The following MTUS2 variants were observed in gnomAD, a reference collection of about 807,000 sequenced individuals.
MTUS2 encodes microtubule-associated tumor suppressor candidate 2.
MTUS2 carries 40 observed loss-of-function variants against 114.1 expected under a neutral mutation model. The ratio of observed to expected loss-of-function variants is 0.35; its 90% CI spans 0.27 to 0.46. MTUS2 has a LOEUF of 0.46. Among genes scored for constraint, MTUS2 ranks in the 20% least tolerant of loss-of-function variants. MTUS2 has a pLI of 1.00. For missense variants in MTUS2, 1,679 were observed against 1,705.4 expected, an observed-to-expected ratio of 0.98 and a Z score of 0.27; for synonymous variants, 688 against 672.0, an observed-to-expected ratio of 1.02 and a Z score of -0.37.
In MTUS2 at chr13:29,505,845, G is replaced by A. The variant is rs1257516069; in HGVS notation, c.*2639G>A. 4.4e-6 allele frequency: 1 copy of A among 228,874 alleles called. No individual in the cohort carries two copies. The highest frequency in any genetic ancestry group is 2.2e-5 in the African/African-American group (1 of 45,046). The allele number at this position is 228,874 out of a possible 1,614,324, so 14.2% of individuals were successfully genotyped here. A position where few individuals can be genotyped will look rare whatever the true frequency, so the allele number is the denominator to read the frequency against. ...GTGGGGGCAGCCCTGGCCGTGATTA[G>A]TTGAATGAATGGGGTCACAACATCC... is the stretch of plus-strand genomic sequence containing the variant. On this transcript the variant is annotated 3_prime_UTR_variant, in exon 16 of 16. Transcript: ENST00000612955.
chr13:29,123,916 G>C (rs1043078927), intron 5 of MTUS2, among the ~76,000 whole-genome samples: 3 of 152,124 alleles, frequency 2.0e-5, no homozygotes, highest in South Asian at 2.1e-4. Flanking sequence ...CTCATTCCAG[G>C]GGGTATTGTC....
chr13:29,173,116 TC>T (rs1296544768), intron 5 of MTUS2, among the ~76,000 whole-genome samples: 5 of 152,278 alleles, frequency 3.3e-5, no homozygotes, highest in African/African-American at 1.2e-4. Flanking sequence ...TGTAAACTGT[TC>T]TATAATAACT....
In MTUS2 at chr13:29,294,199, C is replaced by T. The variant is rs148938783; in HGVS notation, c.2806+12334C>T. ...ACTAATAACATATATTGGTATATTT[C>T]CTTCCAGTCTTTTCTCTATATGGGT... On this transcript the variant is annotated intron_variant, in intron 6 of 15. Transcript: ENST00000612955. 1.4e-4 allele frequency among the ~76,000 whole-genome samples: 21 copies of T among 152,198 alleles called. No individual in the cohort carries two copies. The East Asian group carries it at 4.0e-3, about 29-fold the overall frequency.
At chr13:29,282,366 C>T (rs1276300097) in intron 6 of MTUS2, among the ~76,000 whole-genome samples, 2 of 152,248 alleles carry the variant, frequency 1.3e-5, no homozygotes, top group African/African-American at 2.4e-5. Context: ...TAGAGCCACA[C>T]TGGGCCTGCC....
chr13:29,120,402 G>GA (rs1367421623), intron 5 of MTUS2, among the ~76,000 whole-genome samples: 2 of 151,364 alleles, frequency 1.3e-5, no homozygotes, highest in Non-Finnish European at 1.5e-5. Flanking sequence ...TATTTAAATG[G>GA]AAAAAATCAG....
At chr13:29,167,192 G>A (rs1188233512) in intron 5 of MTUS2, among the ~76,000 whole-genome samples, 5 of 152,090 alleles carry the variant, frequency 3.3e-5, no homozygotes, top group South Asian at 2.1e-4. Context: ...GGCTAACACC[G>A]TGAAACCTTG....
At chr13:29,110,678 T>C (rs1890848498) in intron 5 of MTUS2, among the ~76,000 whole-genome samples, 1 of 152,194 alleles carries the variant, frequency 6.6e-6, no homozygotes, top group Non-Finnish European at 1.5e-5. Context: ...CATTTTTTTT[T>C]CTGAGTGTTT....
chr13:29,001,930 CTG>C lies in MTUS2; in HGVS notation c.-242-22525_-242-22524del, dbSNP rs570137855. On this transcript the variant is annotated intron_variant, in intron 2 of 15. Coordinates refer to ENST00000612955, the MANE Select transcript of MTUS2 (RefSeq NM_001033602.4). ...CTACAGCTAAGCATTCAGGTCGCCT[CTG>C]TATCTCACATTTTGTGAGATACATT... Among the ~76,000 whole-genome samples, 204 of 152,262 alleles carry C rather than the reference CTG, an allele frequency of 1.3e-3. 1 individual carries two copies. Among genetic ancestry groups the C allele is most frequent in the Non-Finnish European group, 2.4e-3 (165 of 68,002 alleles).
At chr13:29,065,222 G>T (rs1247719500) in intron 4 of MTUS2, among the ~76,000 whole-genome samples, 1 of 152,202 alleles carries the variant, frequency 6.6e-6, no homozygotes, top group Non-Finnish European at 1.5e-5. Context: ...CACAGTGGTT[G>T]AGCTAATTTA....
chr13:28,942,791 C>A (rs1277937004), intron 2 of MTUS2, among the ~76,000 whole-genome samples: 2 of 152,156 alleles, frequency 1.3e-5, no homozygotes, highest in African/African-American at 2.4e-5. Flanking sequence ...TAGTGGTTAT[C>A]TGTAGAGAGG....
chr13:29,305,662 A>G (rs1274004954), intron 6 of MTUS2, among the ~76,000 whole-genome samples: 1 of 152,168 alleles, frequency 6.6e-6, no homozygotes, highest in Non-Finnish European at 1.5e-5. Flanking sequence ...ACCAACCTAA[A>G]AAAACCCGTG....
intron 5 of MTUS2, among the ~76,000 whole-genome samples, chr13:29,270,601 G>T (rs1213691680): frequency 6.6e-6 from 1 of 152,230 alleles, no homozygotes; most frequent in Non-Finnish European, 1.5e-5. Flanking sequence ...GTTCTCTGAA[G>T]TTTCATCTCT....
At chr13:29,278,815 A>G (rs1434456498) in intron 5 of MTUS2, among the ~76,000 whole-genome samples, 3 of 152,170 alleles carry the variant, frequency 2.0e-5, no homozygotes, top group African/African-American at 4.8e-5. Context: ...CGTTTATCAT[A>G]TATTTTTAAG....
At chr13:28,960,201 G>A (rs951839413) in intron 2 of MTUS2, among the ~76,000 whole-genome samples, 1 of 152,104 alleles carries the variant, frequency 6.6e-6, no homozygotes, top group African/African-American at 2.4e-5. Context: ...CACCCACTAG[G>A]ATGGCTATAA....
chr13:28,886,606 C>T (rs116715240), intron 2 of MTUS2, among the ~76,000 whole-genome samples: 129 of 151,772 alleles, frequency 8.5e-4, no homozygotes, highest in Middle Eastern at 3.4e-3. Flanking sequence ...GGCTCAGTTA[C>T]GGATTAAGTA....
chr13:29,079,463 A>T (rs777591288), intron 4 of MTUS2, among the ~76,000 whole-genome samples: 2 of 152,070 alleles, frequency 1.3e-5, no homozygotes, highest in Non-Finnish European at 2.9e-5. Context: ...TATGCTTTTC[A>T]TGTCATAGCT....
chr13:29,315,757 T>C (rs1274735699), intron 6 of MTUS2, among the ~76,000 whole-genome samples: 4 of 152,036 alleles, frequency 2.6e-5, no homozygotes, highest in Admixed American at 2.0e-4. Context: ...AAACTTTAGG[T>C]TGAATAATAA....
At chr13:28,934,550 T>C (rs1490907420) in intron 2 of MTUS2, among the ~76,000 whole-genome samples, 26 of 152,090 alleles carry the variant, frequency 1.7e-4, no homozygotes, top group Admixed American at 1.7e-3. Flanking sequence ...TGAGACGGAG[T>C]TTCACTGTTG....
chr13:29,146,743 TTGG>T (rs1004413431), intron 5 of MTUS2, among the ~76,000 whole-genome samples: 2 of 152,176 alleles, frequency 1.3e-5, no homozygotes, highest in African/African-American at 4.8e-5. Context: ...TCACATTGTC[TTGG>T]TGAAGTTGAG....
Sources: gnomAD v4.1 joint callset for allele counts (sites outside exome capture counted in the v4.1 genomes callset) on GRCh38, gnomAD v4.1.1 for gene constraint, MANE v1.5 for transcripts, NCBI Gene and HGNC (gene_info 2026-07-23, HGNC 2026-07-21) for gene names.